PRKN: variants seen among roughly 807,000 people sequenced by gnomAD.
The protein encoded by PRKN is parkin RBR E3 ubiquitin protein ligase, also known as E3 ubiquitin-protein ligase parkin.
In PRKN, 56 loss-of-function variants were observed where a neutral mutation model predicts 59.5. The observed-to-expected ratio is 0.94, with a 90% confidence interval of 0.76 to 1.18. The LOEUF (loss-of-function observed/expected upper bound fraction) is 1.18. Ranked by LOEUF, PRKN falls within the 50% of genes most tolerant of loss-of-function variation. The probability of loss-of-function intolerance (pLI) is 0.00; values close to 1 mark genes in which losing one functional copy is unlikely to be tolerated. For synonymous variants in PRKN, 250 were observed against 222.1 expected, an observed-to-expected ratio of 1.13 and a Z score of -1.12; for missense variants, 657 against 596.4, an observed-to-expected ratio of 1.10 and a Z score of -1.06.
chr6:161,564,920 T>C (rs1024433507), intron 8 of PRKN, among the ~76,000 whole-genome samples: 1 of 152,220 alleles, frequency 6.6e-6, no homozygotes, highest in African/African-American at 2.4e-5. Context: ...GTGCTGACCA[T>C]GCAGCTCCTC....
rs1243763410 is a variant in PRKN, at chr6:161,902,565, T to A, written c.734+70737A>T. Among the ~76,000 whole-genome samples, 21 of 111,764 alleles carry A rather than the reference T, an allele frequency of 1.9e-4. No homozygotes were observed. In the South Asian group the frequency reaches 2.6e-3, roughly 14 times the overall value. 73.3% of individuals were successfully genotyped at this position (111,764 alleles called of 152,430 possible). A position where few individuals can be genotyped will look rare whatever the true frequency, so the allele number is the denominator to read the frequency against. On this transcript the variant is annotated intron_variant, in intron 6 of 11. Transcript: ENST00000366898. ...ATCTATCTATTTATTTATTTATTTA[T>A]TTTTTTTTTTTTGCGACAGAGTCTT...
At chr6:162,400,243 AC>A (rs1478928171) in intron 2 of PRKN, among the ~76,000 whole-genome samples, 3 of 151,980 alleles carry the variant, frequency 2.0e-5, no homozygotes, top group African/African-American at 7.2e-5. Flanking sequence ...AAAAAAAAAA[AC>A]AAAGAAGATT....
chr6:161,728,742 G>T (rs1051433146), intron 7 of PRKN, among the ~76,000 whole-genome samples: 1 of 152,108 alleles, frequency 6.6e-6, no homozygotes, highest in Non-Finnish European at 1.5e-5. Context: ...CATGATGATG[G>T]CATGTAGGCT....
intron 6 of PRKN, among the ~76,000 whole-genome samples, chr6:161,878,221 A>G (rs1355963800): frequency 6.6e-6 from 1 of 152,222 alleles, no homozygotes; most frequent in Admixed American, 6.5e-5. Context: ...CAAAAGTAGA[A>G]AGAAATAAAT....
intron 7 of PRKN, among the ~76,000 whole-genome samples, chr6:161,718,536 T>C (rs1787083860): frequency 6.6e-6 from 1 of 152,022 alleles, no homozygotes; most frequent in Non-Finnish European, 1.5e-5. Context: ...TCCACCCAAT[T>C]TCAGGGGGCT....
intron 1 of PRKN, among the ~76,000 whole-genome samples, chr6:162,525,275 G>C (rs1778234409): frequency 6.6e-6 from 1 of 152,058 alleles, no homozygotes; most frequent in South Asian, 2.1e-4. Flanking sequence ...CCTCTTGCCA[G>C]GTGCTCTCTG....
chr6:161,818,930 G>T (rs6455774), intron 6 of PRKN, among the ~76,000 whole-genome samples: 1 of 151,846 alleles, frequency 6.6e-6, no homozygotes, highest in Non-Finnish European at 1.5e-5. Flanking sequence ...CAGGTGAAGA[G>T]GGCCTTATCC....
intron 9 of PRKN, among the ~76,000 whole-genome samples, chr6:161,425,996 G>T (rs1490391012): frequency 6.6e-6 from 1 of 152,110 alleles, no homozygotes; most frequent in Non-Finnish European, 1.5e-5. Context: ...AGTGACAGTG[G>T]AGTGTTCCCA....
At chr6:162,454,199 G>A (rs1790756192) in intron 1 of PRKN, among the ~76,000 whole-genome samples, 1 of 152,180 alleles carries the variant, frequency 6.6e-6, no homozygotes, top group African/African-American at 2.4e-5. Context: ...AACATATAGT[G>A]TAAAAATTAT....
At chr6:161,699,333 C>T (rs1562616892) in intron 7 of PRKN, among the ~76,000 whole-genome samples, 1 of 152,118 alleles carries the variant, frequency 6.6e-6, no homozygotes, top group Non-Finnish European at 1.5e-5. Context: ...CCAGTTATTC[C>T]ACTCCTAAGT....
chr6:162,698,306 CT>C (rs201422686), intron 1 of PRKN, among the ~76,000 whole-genome samples: 1 of 56,798 alleles, frequency 1.8e-5, no homozygotes, highest in Non-Finnish European at 3.9e-5. Context: ...TTCCCAACTT[CT>C]TTCACAGCCA....
intron 4 of PRKN, among the ~76,000 whole-genome samples, chr6:162,077,507 C>T (rs1778875419): frequency 6.6e-6 from 1 of 152,008 alleles, no homozygotes; most frequent in South Asian, 2.1e-4. Flanking sequence ...AAAATTAGTG[C>T]AAGTAAAATA....
At chr6:161,843,511 C>T (rs1349680792) in intron 6 of PRKN, among the ~76,000 whole-genome samples, 2 of 152,142 alleles carry the variant, frequency 1.3e-5, no homozygotes, top group African/African-American at 4.8e-5. Flanking sequence ...CCTGGCTGGG[C>T]GCAGTGGCTC....
chr6:161,730,754 C>T (rs576587413), intron 7 of PRKN, among the ~76,000 whole-genome samples: 7 of 152,138 alleles, frequency 4.6e-5, no homozygotes, highest in Admixed American at 2.0e-4. Flanking sequence ...ATATTGCATT[C>T]TGATGTGTTG....
rs951269760 is a variant in PRKN, at chr6:161,377,191, T to G, written c.1167+9603A>C. On this transcript the variant is annotated intron_variant, in intron 10 of 11. Transcript: ENST00000366898. This position sits in a 1 kb window ranked among gnomAD's most constrained non-coding sequence, Gnocchi z 4.2. ...TTCAGCAGCTGAGAACGATGGACCA[T>G]TTGAAAGAGAGCCCCTGGCACGCTA... Among the ~76,000 whole-genome samples the G allele has an allele frequency of 1.3e-5, 2 of 152,182 alleles. No homozygotes were observed. Among genetic ancestry groups the G allele is most frequent in the Non-Finnish European group, 2.9e-5 (2 of 68,034 alleles).
At chr6:162,707,860 A>C (rs1778392297) in intron 1 of PRKN, among the ~76,000 whole-genome samples, 1 of 152,164 alleles carries the variant, frequency 6.6e-6, no homozygotes, top group African/African-American at 2.4e-5. Context: ...GATTATAGGC[A>C]TAAGCCACCA....
chr6:161,861,812 T>C (rs1404736937), intron 6 of PRKN, among the ~76,000 whole-genome samples: 1 of 152,152 alleles, frequency 6.6e-6, no homozygotes, highest in Non-Finnish European at 1.5e-5. Flanking sequence ...GAACTTCCAC[T>C]TGAGCTGATA....
At chr6:162,041,398 T>C (rs141216070) in intron 5 of PRKN, among the ~76,000 whole-genome samples, 4 of 152,324 alleles carry the variant, frequency 2.6e-5, no homozygotes, top group African/African-American at 9.6e-5. Flanking sequence ...CTCTTCAACA[T>C]GTCTTTAGCC....
intron 4 of PRKN, among the ~76,000 whole-genome samples, chr6:162,122,335 C>A (rs1191454014): frequency 2.0e-5 from 3 of 152,336 alleles, no homozygotes; most frequent in African/African-American, 7.2e-5. Context: ...GGGCACAGTT[C>A]TCCCAGAAGG....
Sources: gnomAD v4.1 joint callset for allele counts (sites outside exome capture counted in the v4.1 genomes callset) on GRCh38, gnomAD v4.1.1 for gene constraint, Gnocchi (gnomAD v3.1) non-coding constraint, MANE v1.5 for transcripts, NCBI Gene and HGNC (gene_info 2026-07-23, HGNC 2026-07-21) for gene names.